WWC1: variants seen among roughly 807,000 people sequenced by gnomAD.
WWC1 encodes the protein protein KIBRA.
WWC1 carries 55 observed loss-of-function variants against 138.4 expected under a neutral mutation model. The observed-to-expected ratio is 0.40, with a 90% confidence interval of 0.32 to 0.50. The LOEUF (loss-of-function observed/expected upper bound fraction) is 0.50, where lower values mean the gene tolerates loss of function less well. Ranked by LOEUF, WWC1 falls within the 20% of genes least tolerant of loss-of-function variation. WWC1 has a pLI of 0.72. For missense variants in WWC1, 1,226 were observed against 1,420.4 expected (o/e 0.86, Z 2.20); for synonymous variants, 524 against 564.9 (o/e 0.93, Z 1.03).
chr5:168,388,033 A>T (rs1326603098), intron 3 of WWC1, among the ~76,000 whole-genome samples: 2 of 152,168 alleles, frequency 1.3e-5, no homozygotes, highest in Non-Finnish European at 2.9e-5. Flanking sequence ...ATGTCAGGTA[A>T]TGAGAATTAC....
At chr5:168,397,633 C>T in intron 3 of WWC1, 91 bp from the exon 4 acceptor site, 1 of 1,345,282 alleles carries the variant, frequency 7.4e-7, no homozygotes, top group South Asian at 1.2e-5. Context: ...TTAGTCCTTC[C>T]CTTTCTAGGT....
rs755378949 is a variant in WWC1, at chr5:168,431,454, G to GTGTCTGGC, written c.2280+13_2280+20dup. ...TCTGGAAGAGTGCCTGGTAAGGGCC[G>GTGTCTGGC]TGTCTGGCTGGCTGGCTGGCTGGCT... On this transcript the variant is annotated intron_variant, in intron 15 of 22. Transcript: ENST00000265293. 6.5e-7 allele frequency: 1 copy of GTGTCTGGC among 1,549,126 alleles called. No homozygotes were observed. Among genetic ancestry groups the GTGTCTGGC allele is most frequent in the Non-Finnish European group, 8.6e-7 (1 of 1,159,870 alleles).
chr5:168,330,268 A>C (rs915315270), intron 1 of WWC1, among the ~76,000 whole-genome samples: 2 of 152,176 alleles, frequency 1.3e-5, no homozygotes, highest in Admixed American at 1.3e-4. Context: ...TGGGACCCAC[A>C]CTGTCTAGGA....
At chr5:168,405,567 T>C (rs750840073) in intron 5 of WWC1, among the ~76,000 whole-genome samples, 1 of 152,172 alleles carries the variant, frequency 6.6e-6, no homozygotes, top group Admixed American at 6.5e-5. Context: ...GGGAAGCCCC[T>C]ACCCAGCCCG....
intron 5 of WWC1, among the ~76,000 whole-genome samples, chr5:168,402,645 T>C (rs555420353): frequency 3.3e-5 from 5 of 152,280 alleles, no homozygotes; most frequent in African/African-American, 1.2e-4. Flanking sequence ...AGAGACGTTT[T>C]TGTCCTGCCA....
In WWC1 at chr5:168,471,652, A is replaced by C. The variant is rs1159903040; in HGVS notation, c.*2635A>C. ...TTTGGCTCCCATGATTAGACCAAGG[A>C]GAGGCATGGGGTCCAGCTGAGCCAT... On this transcript the variant is annotated 3_prime_UTR_variant, in exon 23 of 23. Coordinates refer to ENST00000265293, the MANE Select transcript of WWC1 (RefSeq NM_015238.3). The C allele has an allele frequency of 6.6e-6, 1 of 152,258 alleles. No individual in the cohort carries two copies. The highest frequency in any genetic ancestry group is 1.5e-5 in the Non-Finnish European group (1 of 68,066). The allele number at this position is 152,258 out of a possible 1,614,324, so 9.4% of individuals were successfully genotyped here. A position where few individuals can be genotyped will look rare whatever the true frequency, so the allele number is the denominator to read the frequency against.
chr5:168,338,604 G>T (rs760939417), intron 1 of WWC1, among the ~76,000 whole-genome samples: 1 of 151,894 alleles, frequency 6.6e-6, no homozygotes, highest in Non-Finnish European at 1.5e-5. Context: ...TAGAGACGGG[G>T]GTTTCTCCAT....
rs1346065038 is a variant in WWC1 at position 168,292,179 on chromosome 5, G to A, written c.27G>A (p.Pro9=). Residue 9 remains proline, a synonymous_variant, in exon 1 of 23, where the codon CCG becomes CCA. Coordinates refer to ENST00000265293, the MANE Select transcript of WWC1 (RefSeq NM_015238.3). The surrounding 1 kb of genome is among the most constrained non-coding windows in gnomAD (Gnocchi z 4.4). ...TGCCCCGGCCGGAGCTGCCCCTGCC[G>A]GAGGGCTGGGAGGAGGCGCGCGACT... MPRPELPL[P]EGWEEARDFD... is the part of the protein sequence containing the mutation. The A allele has an allele frequency of 1.9e-6, 3 of 1,547,900 alleles. No individual in the cohort carries two copies. The highest frequency in any genetic ancestry group is 4.9e-5 in the East Asian group (2 of 40,578).
intron 1 of WWC1, among the ~76,000 whole-genome samples, chr5:168,366,588 G>A (rs1776305399): frequency 6.6e-6 from 1 of 152,136 alleles, no homozygotes; most frequent in Admixed American, 6.5e-5. Context: ...TGTCCTGGTA[G>A]GGTATCCACA....
chr5:168,315,702 G>T (rs1771523680), intron 1 of WWC1, among the ~76,000 whole-genome samples: 1 of 152,136 alleles, frequency 6.6e-6, no homozygotes, highest in Non-Finnish European at 1.5e-5. Context: ...AGGAATCAGT[G>T]CAAGTGAAGG....
intron 2 of WWC1, among the ~76,000 whole-genome samples, chr5:168,373,636 G>A (rs1776925152): frequency 6.9e-6 from 1 of 145,524 alleles, no homozygotes; most frequent in African/African-American, 2.5e-5. Context: ...ATAGTCCCAG[G>A]TACTTGGGAG....
In WWC1 at chr5:168,441,739, TG is replaced by T. The variant is rs1484187447; in HGVS notation, c.2340del (p.Trp780CysfsTer10). On this transcript the variant is annotated frameshift_variant, in exon 16 of 23. Coordinates refer to ENST00000265293, the MANE Select transcript of WWC1 (RefSeq NM_015238.3). LOFTEE classifies it high-confidence loss of function. ...CCGGTCTGGGGAGAGGTCGACTCGC[TG>T]GTACAACCTTCTCAGCTACAAATAC... is the stretch of plus-strand genomic sequence containing the variant. ...VCRSGERSTRWYNLLSYKYLK... is the reference protein window; with the variant it reads ...VCRSGERSTRXYNLLSYKYLK... The T allele has an allele frequency of 1.2e-6, 2 of 1,614,086 alleles. No homozygotes were observed. Among genetic ancestry groups the T allele is most frequent in the Non-Finnish European group, 1.7e-6 (2 of 1,180,048 alleles).
chr5:168,371,547 G>C lies in WWC1; in HGVS notation c.229+14G>C, dbSNP rs200959620. On this transcript the variant is annotated intron_variant, in intron 2 of 22. Coordinates refer to ENST00000265293, the MANE Select transcript of WWC1 (RefSeq NM_015238.3). ...ACCACAACACCAGTAAGTTCCCGAC[G>C]GTCCTCCCTTCCCTGTGCCCTCTTC... is the stretch of plus-strand genomic sequence containing the variant. 1.3e-6 allele frequency: 2 copies of C among 1,596,246 alleles called. No individual in the cohort carries two copies. Among genetic ancestry groups the C allele is most frequent in the Non-Finnish European group, 1.7e-6 (2 of 1,164,760 alleles).
chr5:168,299,253 G>A (rs1421855195), intron 1 of WWC1, among the ~76,000 whole-genome samples: 1 of 152,214 alleles, frequency 6.6e-6, no homozygotes. Flanking sequence ...CCTGTTGACA[G>A]CTGGGCTTGA....
chr5:168,377,064 T>C (rs1481664771), intron 2 of WWC1, among the ~76,000 whole-genome samples: 3 of 152,188 alleles, frequency 2.0e-5, no homozygotes, highest in Non-Finnish European at 4.4e-5. Context: ...AACAGCATGA[T>C]ACTAGTACAA....
chr5:168,408,819 C>T (rs999056862), intron 7 of WWC1, among the ~76,000 whole-genome samples, 166 bp downstream of exon 7: 1 of 152,142 alleles, frequency 6.6e-6, no homozygotes, highest in Non-Finnish European at 1.5e-5. Context: ...TTACAGACCT[C>T]CTGGCCCCAG....
chr5:168,336,121 G>A (rs1025141109), intron 1 of WWC1, among the ~76,000 whole-genome samples: 2 of 152,158 alleles, frequency 1.3e-5, no homozygotes, highest in African/African-American at 4.8e-5. Context: ...CCCACTTACT[G>A]CTGCCCTCAG....
chr5:168,392,554 G>A (rs781377673), intron 3 of WWC1, among the ~76,000 whole-genome samples: 4 of 152,146 alleles, frequency 2.6e-5, no homozygotes, highest in African/African-American at 4.8e-5. Flanking sequence ...TTATCCGAGT[G>A]TGGTGGCAAG....
At chr5:168,410,154 G>C in intron 8 of WWC1, 159 bp downstream of exon 8, 1 of 745,370 alleles carries the variant, frequency 1.3e-6, no homozygotes, top group South Asian at 1.8e-5. Context: ...CATCCTCTCT[G>C]AAATTCAGAG....
Sources: allele counts gnomAD v4.1 joint callset (sites outside exome capture counted in the v4.1 genomes callset), GRCh38; gene constraint gnomAD v4.1.1; non-coding constraint Gnocchi (gnomAD v3.1); transcripts MANE v1.5; gene names NCBI Gene and HGNC (gene_info 2026-07-23, HGNC 2026-07-21).